Variants in ABTB2 observed in about 807,000 individuals in gnomAD.
The protein encoded by ABTB2 is ankyrin repeat and BTB domain containing 2.
ABTB2 carries 56 observed loss-of-function variants against 104.1 expected under a neutral mutation model. The observed-to-expected ratio is 0.54, with a 90% CI of 0.43 to 0.67. ABTB2 has a LOEUF of 0.67. ABTB2 is among the 30% of genes least tolerant of loss of function. ABTB2 has a pLI of 0.00. For missense variants in ABTB2, 1,279 were observed against 1,407.7 expected (o/e 0.91, Z 1.46); for synonymous variants, 606 against 608.2 (o/e 1.00, Z 0.05).
chr11:34,232,857 A>G (rs2467371), intron 1 of ABTB2, among the ~76,000 whole-genome samples: 143,963 of 152,054 alleles, frequency 0.95, 68,293 homozygotes, highest in Non-Finnish European at 0.98. Context: ...CTTCTTGGGA[A>G]GCTGAGGTGG....
chr11:34,184,480 C>A (rs1171164723), intron 3 of ABTB2, among the ~76,000 whole-genome samples: 1 of 152,152 alleles, frequency 6.6e-6, no homozygotes, highest in African/African-American at 2.4e-5. Context: ...AGCCATCTGT[C>A]CTTAGGAATC....
At chr11:34,236,615 C>T (rs191940106) in intron 1 of ABTB2, among the ~76,000 whole-genome samples, 214 of 152,304 alleles carry the variant, frequency 1.4e-3, no homozygotes, top group African/African-American at 4.5e-3. Flanking sequence ...TGATTTACTC[C>T]GGGAGGCCTC....
At chr11:34,157,005 G>C (rs148749489) in intron 14 of ABTB2, among the ~76,000 whole-genome samples, 1 of 152,210 alleles carries the variant, frequency 6.6e-6, no homozygotes, top group Non-Finnish European at 1.5e-5. Flanking sequence ...TTGGGCCTCT[G>C]TTTCCTCCTC....
At chr11:34,233,581 T>C (rs939447641) in intron 1 of ABTB2, among the ~76,000 whole-genome samples, 2 of 152,078 alleles carry the variant, frequency 1.3e-5, no homozygotes, top group Admixed American at 1.3e-4. Context: ...CTTGAAATCC[T>C]GGGCTCAAGC....
chr11:34,279,779 T>TTCC (rs1854427685), intron 1 of ABTB2, among the ~76,000 whole-genome samples: 1 of 138,120 alleles, frequency 7.2e-6, no homozygotes, highest in African/African-American at 3.2e-5. Context: ...TTTCTTTTCT[T>TTCC]TCTTCTTCTT....
intron 1 of ABTB2, among the ~76,000 whole-genome samples, chr11:34,253,965 C>A (rs748450512): frequency 6.6e-6 from 1 of 152,148 alleles, no homozygotes; most frequent in South Asian, 2.1e-4. Context: ...CCAGGTGGAC[C>A]GTGAGAGCAC....
chr11:34,169,863 G>C (rs747730153), intron 5 of ABTB2, among the ~76,000 whole-genome samples: 1 of 151,958 alleles, frequency 6.6e-6, no homozygotes, highest in African/African-American at 2.4e-5. Flanking sequence ...CGGCTCAACC[G>C]CTTCCAGCAG....
intron 1 of ABTB2, among the ~76,000 whole-genome samples, chr11:34,354,101 C>G (rs567177053): frequency 6.6e-6 from 1 of 152,152 alleles, no homozygotes; most frequent in Non-Finnish European, 1.5e-5. Context: ...TGGCCACCCC[C>G]TGGTTTTCAT....
intron 1 of ABTB2, among the ~76,000 whole-genome samples, chr11:34,211,018 A>G (rs1565142177): frequency 6.6e-6 from 1 of 152,164 alleles, no homozygotes; most frequent in Non-Finnish European, 1.5e-5. Flanking sequence ...CCCAGTTGTT[A>G]TATATTAGTC....
intron 16 of ABTB2, among the ~76,000 whole-genome samples, chr11:34,153,219 G>A (rs779788955): frequency 3.3e-5 from 5 of 152,216 alleles, no homozygotes; most frequent in African/African-American, 9.6e-5. Context: ...GTCTGGGCAC[G>A]CTGAGAAGGA....
At chr11:34,321,778 C>T (rs192144433) in intron 1 of ABTB2, among the ~76,000 whole-genome samples, 6 of 152,288 alleles carry the variant, frequency 3.9e-5, no homozygotes, top group African/African-American at 1.4e-4. Context: ...GTCTCAAGAC[C>T]CCAAACCAAG....
rs886826022 is a variant in ABTB2, at chr11:34,223,806, T to A, written c.884-19116A>T. Among the ~76,000 whole-genome samples the A allele has an allele frequency of 2.0e-5, 3 of 152,226 alleles. No homozygotes were observed. The East Asian group carries it at 5.8e-4, about 29-fold the overall frequency. ...CTGATTGTCCACCCCTCAAGTCAAC[T>A]GCCAGAGGGTGGAGAAAACTACTAG... On this transcript the variant is annotated intron_variant, in intron 1 of 16. Coordinates refer to ENST00000435224, the MANE Select transcript of ABTB2 (RefSeq NM_145804.3).
chr11:34,200,130 C>T (rs918761929), intron 2 of ABTB2, among the ~76,000 whole-genome samples: 2 of 152,150 alleles, frequency 1.3e-5, no homozygotes, highest in African/African-American at 4.8e-5. Context: ...ACCTGGCTCC[C>T]GTTTCTCCAG....
At chr11:34,280,039 G>A (rs1854431939) in intron 1 of ABTB2, among the ~76,000 whole-genome samples, 1 of 152,006 alleles carries the variant, frequency 6.6e-6, no homozygotes, top group Non-Finnish European at 1.5e-5. Flanking sequence ...CGAAAGTGCT[G>A]GGATTACAGG....
chr11:34,167,262 G>T lies in ABTB2; in HGVS notation c.1752C>A (p.Val584=). ...TGTTCACCTGGCAGGAGCTCACCTG[G>T]ACCACAGAGATGTGTCCATGCAGCA... ...FAVLHGHISV[V]QLLLDAGAHV... The change falls in exon 7 of 17, where the codon GTC becomes GTA. Residue 584 remains valine (V), a synonymous_variant. Coordinates refer to ENST00000435224, the MANE Select transcript of ABTB2 (RefSeq NM_145804.3). 1.2e-6 allele frequency: 2 copies of T among 1,608,804 alleles called. No individual in the cohort carries two copies. The highest frequency in any genetic ancestry group is 2.2e-5 in the South Asian group (2 of 89,840).
intron 3 of ABTB2, among the ~76,000 whole-genome samples, chr11:34,196,118 C>T (rs190722605): frequency 6.6e-6 from 1 of 152,296 alleles, no homozygotes; most frequent in African/African-American, 2.4e-5. Context: ...CATGGACAGA[C>T]CTTACCTTAA....
In ABTB2 at chr11:34,356,696, C is replaced by G; in HGVS notation, c.883+5G>C. ...AGTCTGCCAGTCCGAGGCCCGCGCG[C>G]TTACCATTGGCGTTCTTGCCGCAGA... On this transcript the variant is annotated splice_donor_5th_base_variant and intron_variant, in intron 1 of 16. Coordinates refer to ENST00000435224, the MANE Select transcript of ABTB2 (RefSeq NM_145804.3). This position sits in a 1 kb window ranked among gnomAD's most constrained non-coding sequence, Gnocchi z 4.6. 1 of 1,579,624 alleles carries G rather than the reference C, an allele frequency of 6.3e-7. No individual in the cohort carries two copies. The highest frequency in any genetic ancestry group is 8.7e-7 in the Non-Finnish European group (1 of 1,155,588).
chr11:34,246,954 TCTC>T (rs1853992952), intron 1 of ABTB2, among the ~76,000 whole-genome samples: 1 of 151,488 alleles, frequency 6.6e-6, no homozygotes, highest in South Asian at 2.1e-4. Context: ...TTCAAGCAAT[TCTC>T]CTGCCTCAGC....
In ABTB2 at chr11:34,152,473, T is replaced by G. The variant is rs764266917; in HGVS notation, c.2992A>C (p.Lys998Gln). Residue 998 changes from lysine to glutamine, a missense_variant, in exon 17 of 17, where the codon AAA (lysine) becomes CAA (glutamine). By Grantham distance (53) the Lys-to-Gln change is moderately conservative. Transcript: ENST00000435224. The part of the protein sequence containing the change: ...FRQLIYGRSS[K>Q]VQGLDPLQDL... Reference sequence around the variant, plus strand: ...TGCAGTGGATCCAGGCCCTGCACTTTGCTGCTGCGGCCGTAGATGAGCTGC... The same window carrying G: ...TGCAGTGGATCCAGGCCCTGCACTTGGCTGCTGCGGCCGTAGATGAGCTGC... 1.9e-6 allele frequency: 3 copies of G among 1,605,250 alleles called. No individual in the cohort carries two copies. Among genetic ancestry groups the G allele is most frequent in the Non-Finnish European group, 2.5e-6 (3 of 1,177,002 alleles).
Sources: allele counts gnomAD v4.1 joint callset (sites outside exome capture counted in the v4.1 genomes callset), GRCh38; gene constraint gnomAD v4.1.1; non-coding constraint Gnocchi (gnomAD v3.1); transcripts MANE v1.5; gene names NCBI Gene and HGNC (gene_info 2026-07-23, HGNC 2026-07-21).